TRAPPC10: variants seen among roughly 807,000 people sequenced by gnomAD.
TRAPPC10 encodes trafficking protein particle complex subunit 10.
A neutral mutation model predicts 125.5 loss-of-function variants in TRAPPC10; 23 were observed. The ratio of observed to expected loss-of-function variants is 0.18; its 90% CI spans 0.13 to 0.26. The LOEUF (loss-of-function observed/expected upper bound fraction) is 0.26. Among genes scored for constraint, TRAPPC10 ranks in the 10% least tolerant of loss-of-function variants. The pLI, the probability that TRAPPC10 is intolerant of heterozygous loss-of-function variation, is 1.00. For missense variants in TRAPPC10, 1,123 were observed against 1,308.4 expected (o/e 0.86, Z 2.19); for synonymous variants, 509 against 518.0 (o/e 0.98, Z 0.24).
At position 44,063,748 on chromosome 21, in the gene TRAPPC10, T is replaced by C; in HGVS notation, c.1001T>C (p.Leu334Pro). 1 of 1,614,154 alleles carries C rather than the reference T, an allele frequency of 6.2e-7. No individual in the cohort carries two copies. Among genetic ancestry groups the C allele is most frequent in the Non-Finnish European group, 8.5e-7 (1 of 1,180,010 alleles). Residue 334 changes from leucine (L) to proline (P), a missense_variant, in exon 7 of 23, where the codon CTG (leucine) becomes CCG (proline). Coordinates refer to ENST00000291574, the MANE Select transcript of TRAPPC10 (RefSeq NM_003274.5). This position sits in a 1 kb window ranked among gnomAD's most constrained non-coding sequence, Gnocchi z 4.4. ...PWEVAQRALE[L>P]LHNCVQELKL... The stretch of plus-strand genomic sequence containing the variant: ...GAGGTGGCCCAGCGCGCCCTAGAGC[T>C]GCTGCACAACTGCGTGCAGGAACTG...
In TRAPPC10 at chr21:44,087,647, A is replaced by G; in HGVS notation, c.2540-52A>G. On this transcript the variant is annotated intron_variant, in intron 16 of 22. Coordinates refer to ENST00000291574, the MANE Select transcript of TRAPPC10 (RefSeq NM_003274.5). The surrounding 1 kb of genome is among the most constrained non-coding windows in gnomAD (Gnocchi z 4.6). ...GCCATCACCTGCTGTAAGGAAAAGG[A>G]CAAGTGAAACCGAGGGAACAGCTTT... 1 of 1,534,362 alleles carries G rather than the reference A, an allele frequency of 6.5e-7. No homozygotes were observed. The highest frequency in any genetic ancestry group is 1.1e-5 in the South Asian group (1 of 89,516).
intron 6 of TRAPPC10, chr21:44,060,227 T>C (rs1448288983): frequency 6.7e-6 from 1 of 150,038 alleles, no homozygotes; most frequent in East Asian, 1.9e-4. Flanking sequence ...GTTTACTAAG[T>C]AAAAAAATAA....
intron 7 of TRAPPC10, among the ~76,000 whole-genome samples, chr21:44,068,643 C>G (rs1249453694): frequency 6.6e-6 from 1 of 152,126 alleles, no homozygotes; most frequent in African/African-American, 2.4e-5. Context: ...CTCTGTTGCC[C>G]AGGCTGGAGT....
chr21:44,057,500 A>G (rs533528479), intron 5 of TRAPPC10, among the ~76,000 whole-genome samples: 2 of 152,030 alleles, frequency 1.3e-5, no homozygotes, highest in South Asian at 4.2e-4. Context: ...GTTTTGCCAT[A>G]TTGCCCAGGC....
intron 4 of TRAPPC10, among the ~76,000 whole-genome samples, chr21:44,053,458 G>A (rs2035362536): frequency 6.6e-6 from 1 of 152,058 alleles, no homozygotes; most frequent in Non-Finnish European, 1.5e-5. Flanking sequence ...TAGTATTAAT[G>A]TGCCGTAAGT....
chr21:44,029,243 T>C (rs967361330), intron 1 of TRAPPC10, among the ~76,000 whole-genome samples: 9 of 152,256 alleles, frequency 5.9e-5, no homozygotes, highest in Non-Finnish European at 7.4e-5. Context: ...TACAGGCGCC[T>C]GCCACCACAC....
Position 44,059,495 on chromosome 21 carries a change from C to T in TRAPPC10, c.790+281C>T, listed in dbSNP as rs368739939. 11 of 756,874 alleles carry T rather than the reference C, an allele frequency of 1.5e-5. No homozygotes were observed. Among genetic ancestry groups the T allele is most frequent in the Non-Finnish European group, 2.7e-5 (11 of 405,414 alleles). The allele number at this position is 756,874 out of a possible 1,614,324, so 46.9% of individuals were successfully genotyped here. The stretch of plus-strand genomic sequence containing the variant: ...AAATGTCCTTTCCACAACTCAGTGG[C>T]CTGCTGGTGATGCTTCGATTCTGTC... On this transcript the variant is annotated intron_variant, in intron 6 of 22. Coordinates refer to ENST00000291574, the MANE Select transcript of TRAPPC10 (RefSeq NM_003274.5). The surrounding 1 kb of genome is among the most constrained non-coding windows in gnomAD (Gnocchi z 4.4).
In TRAPPC10 at chr21:44,087,590, C is replaced by A; in HGVS notation, c.2540-109C>A. 1 of 946,332 alleles carries A rather than the reference C, an allele frequency of 1.1e-6. No individual in the cohort carries two copies. Among genetic ancestry groups the A allele is most frequent in the South Asian group, 1.5e-5 (1 of 68,112 alleles). The allele number at this position is 946,332 out of a possible 1,614,324, so 58.6% of individuals were successfully genotyped here. On this transcript the variant is annotated intron_variant, in intron 16 of 22. Coordinates refer to ENST00000291574, the MANE Select transcript of TRAPPC10 (RefSeq NM_003274.5). The surrounding 1 kb of genome is among the most constrained non-coding windows in gnomAD (Gnocchi z 4.6). The stretch of plus-strand genomic sequence containing the variant: ...GGTTTGCCTGCCAGGTGCGCAGGAG[C>A]GGGAGAGGTTGAGCAGTGGCCTCAC...
At chr21:44,020,051 T>A (rs1237691745) in intron 1 of TRAPPC10, among the ~76,000 whole-genome samples, 1 of 151,330 alleles carries the variant, frequency 6.6e-6, no homozygotes, top group Non-Finnish European at 1.5e-5. Flanking sequence ...TTTAGGCCCC[T>A]GTTTGCAATT....
chr21:44,031,974 G>A (rs1403320334), intron 1 of TRAPPC10, 117 bp from the exon 2 acceptor site: 10 of 796,040 alleles, frequency 1.3e-5, no homozygotes, highest in East Asian at 2.5e-5. Flanking sequence ...AGAATCTTGC[G>A]ATATCGCTTT....
chr21:44,079,148 C>T (rs541869627), intron 11 of TRAPPC10, among the ~76,000 whole-genome samples: 1 of 152,266 alleles, frequency 6.6e-6, no homozygotes, highest in Middle Eastern at 3.4e-3. Flanking sequence ...CATACTTGGA[C>T]TTCCTGGCTT....
intron 2 of TRAPPC10, among the ~76,000 whole-genome samples, chr21:44,032,890 C>T (rs1416493017): frequency 6.6e-6 from 1 of 152,152 alleles, no homozygotes; most frequent in African/African-American, 2.4e-5. Context: ...CTTACAAGAC[C>T]CTCCCTCCAC....
At chr21:44,086,224 C>T (rs1210686734) in intron 15 of TRAPPC10, among the ~76,000 whole-genome samples, 3 of 152,194 alleles carry the variant, frequency 2.0e-5, no homozygotes, top group African/African-American at 7.2e-5. Flanking sequence ...TGTCCACTCT[C>T]CCCCCGGTCC....
In TRAPPC10 at chr21:44,079,580, CA is replaced by C; in HGVS notation, c.1490del (p.Lys497ArgfsTer10). 6.3e-7 allele frequency: 1 copy of C among 1,598,406 alleles called. No homozygotes were observed. Among genetic ancestry groups the C allele is most frequent in the Non-Finnish European group, 8.5e-7 (1 of 1,176,404 alleles). ...CTTTGCAAGGAGGAAAAAGGCTCCA[CA>C]AAAGGCAGAAATCTATCTTCAAGGA... ...AEFYMRKKAPQKAEIYLQGAL... is the reference protein window; with the variant it reads ...AEFYMRKKAPXKAEIYLQGAL... On this transcript the variant is annotated frameshift_variant, in exon 12 of 23. Transcript: ENST00000291574. LOFTEE classifies it high-confidence loss of function.
chr21:44,076,382 G>T (rs944533805), intron 9 of TRAPPC10, among the ~76,000 whole-genome samples, 170 bp from the exon 10 acceptor site: 1 of 152,208 alleles, frequency 6.6e-6, no homozygotes, highest in Non-Finnish European at 1.5e-5. Context: ...ATGAATATGT[G>T]AATTGAAAGA....
In TRAPPC10 at chr21:44,063,723, G is replaced by A. The variant is rs2036220445; in HGVS notation, c.976G>A (p.Glu326Lys). 1 of 1,614,056 alleles carries A rather than the reference G, an allele frequency of 6.2e-7. No individual in the cohort carries two copies. Among genetic ancestry groups the A allele is most frequent in the Admixed American group, 1.7e-5 (1 of 60,004 alleles). ...TLLLFLQRPW[E>K]VAQRALELLH... is the part of the protein sequence containing the mutation. ...GCTGCTCTTCCTGCAGAGGCCGTGG[G>A]AGGTGGCCCAGCGCGCCCTAGAGCT... The change falls in exon 7 of 23, where the codon GAG becomes AAG. Residue 326 changes from glutamate (E) to lysine (K), a missense_variant. Transcript: ENST00000291574. This position sits in a 1 kb window ranked among gnomAD's most constrained non-coding sequence, Gnocchi z 4.4.
intron 3 of TRAPPC10, chr21:44,046,205 T>C: frequency 5.2e-6 from 1 of 192,774 alleles, no homozygotes. Flanking sequence ...GTTGGAAAGC[T>C]AATTAAACTT....
At position 44,089,891 on chromosome 21, in the gene TRAPPC10, T is replaced by A. The variant is rs775380760; in HGVS notation, c.2828T>A (p.Val943Glu). ...ACAGTCATCGCACTGACCTTCAGCG[T>A]ACCCTTCAGGACCACACACAGCCTC... ...YSTVIALTFS[V>E]PFRTTHSLLS... Residue 943 changes from valine to glutamate, a missense_variant, in exon 18 of 23, where the codon GTA (valine) becomes GAA (glutamate). By Grantham distance (121) the Val-to-Glu change is moderately radical. Transcript: ENST00000291574. 8 of 1,613,952 alleles carry A rather than the reference T, an allele frequency of 5.0e-6. No homozygotes were observed. Among genetic ancestry groups the A allele is most frequent in the Non-Finnish European group, 6.8e-6 (8 of 1,179,872 alleles).
intron 13 of TRAPPC10, 128 bp downstream of exon 13, chr21:44,080,255 CTA>C: frequency 1.3e-6 from 1 of 772,518 alleles, no homozygotes; most frequent in Non-Finnish European, 2.1e-6. Flanking sequence ...TGACATGTAT[CTA>C]TGTCTTTCAC....
Sources: gnomAD v4.1 joint callset for allele counts (sites outside exome capture counted in the v4.1 genomes callset) on GRCh38, gnomAD v4.1.1 for gene constraint, Gnocchi (gnomAD v3.1) non-coding constraint, MANE v1.5 for transcripts, NCBI Gene and HGNC (gene_info 2026-07-23, HGNC 2026-07-21) for gene names.